Variants in NEK11 observed in about 807,000 individuals in gnomAD.
The protein encoded by NEK11 is serine/threonine-protein kinase Nek11.
Under a neutral mutation model 80.7 loss-of-function variants are expected in NEK11, and 72 were observed. That is an observed-to-expected ratio of 0.89 (90% CI 0.74 to 1.08). NEK11 has a LOEUF of 1.08. Among genes scored for constraint, NEK11 ranks in the 50% least tolerant of loss-of-function variants. The pLI, the probability that NEK11 is intolerant of heterozygous loss-of-function variation, is 0.00. For missense variants in NEK11, 764 were observed against 763.6 expected (o/e 1.00, Z -0.01); for synonymous variants, 251 against 260.7 (o/e 0.96, Z 0.36).
chr3:131,060,878 T>C (rs1039038327), intron 3 of NEK11, among the ~76,000 whole-genome samples: 4 of 152,232 alleles, frequency 2.6e-5, no homozygotes, highest in African/African-American at 9.7e-5. Context: ...CTTGTGGTTT[T>C]GATGTGCATA....
chr3:131,147,105 T>C (rs1042526820), intron 7 of NEK11, among the ~76,000 whole-genome samples: 1 of 152,072 alleles, frequency 6.6e-6, no homozygotes, highest in Admixed American at 6.6e-5. Context: ...CTTTGCCTAC[T>C]CCAAGATCAT....
At chr3:131,305,819 C>T (rs1273414370) in intron 17 of NEK11, among the ~76,000 whole-genome samples, 1 of 152,156 alleles carries the variant, frequency 6.6e-6, no homozygotes, top group Non-Finnish European at 1.5e-5. Context: ...CAGCCCCACG[C>T]AGGGCTCCCA....
chr3:131,203,559 C>T (rs1422734226), intron 14 of NEK11, among the ~76,000 whole-genome samples: 2 of 149,800 alleles, frequency 1.3e-5, no homozygotes, highest in Admixed American at 1.3e-4. Flanking sequence ...TGCACATGTA[C>T]CCTAAAACTT....
At chr3:131,181,562 C>A (rs1433914886) in intron 14 of NEK11, among the ~76,000 whole-genome samples, 2 of 151,840 alleles carry the variant, frequency 1.3e-5, no homozygotes, top group Non-Finnish European at 2.9e-5. Flanking sequence ...CTGGCTAACA[C>A]GATGAAACCC....
At chr3:131,176,292 CA>C (rs2093012326) in intron 14 of NEK11, among the ~76,000 whole-genome samples, 1 of 152,142 alleles carries the variant, frequency 6.6e-6, no homozygotes, top group Admixed American at 6.5e-5. Context: ...AAAAGAAGAC[CA>C]AACAAATGCC....
chr3:131,276,379 C>T (rs566681936), intron 17 of NEK11, among the ~76,000 whole-genome samples: 1 of 152,116 alleles, frequency 6.6e-6, no homozygotes, highest in Non-Finnish European at 1.5e-5. Context: ...GAGGCCTCTG[C>T]CAACCCCATT....
intron 7 of NEK11, among the ~76,000 whole-genome samples, chr3:131,135,805 T>G (rs2085441410): frequency 3.9e-5 from 6 of 152,130 alleles, no homozygotes; most frequent in Admixed American, 3.9e-4. Flanking sequence ...GCCTATCATT[T>G]AAGTTTTTGG....
intron 17 of NEK11, among the ~76,000 whole-genome samples, chr3:131,311,401 A>AC (rs559554651): frequency 6.6e-6 from 1 of 151,996 alleles, no homozygotes; most frequent in South Asian, 2.1e-4. Context: ...ACCTTTGTTC[A>AC]CCCCCCTCAA....
At chr3:131,142,907 TA>T (rs1448779411) in intron 7 of NEK11, among the ~76,000 whole-genome samples, 7 of 152,142 alleles carry the variant, frequency 4.6e-5, no homozygotes, top group African/African-American at 1.7e-4. Context: ...TGGAGGAAAG[TA>T]ATTAGAAAGA....
At chr3:131,159,154 GA>G (rs1488843822) in intron 10 of NEK11, among the ~76,000 whole-genome samples, 1 of 152,216 alleles carries the variant, frequency 6.6e-6, no homozygotes, top group Non-Finnish European at 1.5e-5. Context: ...CATCTTCAAA[GA>G]TTGAAGGAAC....
intron 17 of NEK11, among the ~76,000 whole-genome samples, chr3:131,332,300 G>A (rs962795474): frequency 2.0e-5 from 3 of 152,216 alleles, no homozygotes; most frequent in Non-Finnish European, 4.4e-5. Context: ...AGCAGCATTC[G>A]TGGTTCACGA....
intron 4 of NEK11, among the ~76,000 whole-genome samples, chr3:131,081,403 A>G (rs778605012): frequency 2.0e-5 from 3 of 152,230 alleles, no homozygotes; most frequent in South Asian, 2.1e-4. Flanking sequence ...AGTTTTTCCA[A>G]CCACTCTGAG....
rs144669041 is a variant in NEK11, at chr3:131,263,899, G to A, written c.1622-9579G>A. Among the ~76,000 whole-genome samples, 279 of 152,112 alleles carry A rather than the reference G, an allele frequency of 1.8e-3. 8 individuals carry two copies. The East Asian group carries it at 0.044, about 24-fold the overall frequency. On this transcript the variant is annotated intron_variant, in intron 16 of 17. Coordinates refer to ENST00000383366, the MANE Select transcript of NEK11 (RefSeq NM_024800.5). The stretch of plus-strand genomic sequence containing the variant: ...GTTGTTTCCTGACTTTTTAATGATC[G>A]CCATTCTAACTGCTGTGAGATGGTA...
intron 17 of NEK11, among the ~76,000 whole-genome samples, chr3:131,306,131 ATGCTATCTAC>A (rs1217201820): frequency 6.6e-6 from 1 of 152,142 alleles, no homozygotes; most frequent in Non-Finnish European, 1.5e-5. Flanking sequence ...CTTTTTGTAC[ATGCTATCTAC>A]TTTATCCATT....
chr3:131,029,869 GA>G lies in NEK11; in HGVS notation c.162del (p.Glu55ArgfsTer3). On this transcript the variant is annotated frameshift_variant, in exon 3 of 18. Coordinates refer to ENST00000383366, the MANE Select transcript of NEK11 (RefSeq NM_024800.5). LOFTEE classifies it high-confidence loss of function. ...YLVSDKKAKR[G>X]EELKVLKEIS... is the part of the protein sequence containing the mutation. ...GTTTCAGACAAGAAAGCCAAACGAGGAGAGGAATTGTAAGTAAAAATGCTTC... is the reference window on the plus strand; with the variant it reads ...GTTTCAGACAAGAAAGCCAAACGAGGGAGGAATTGTAAGTAAAAATGCTTC... The G allele has an allele frequency of 6.2e-7, 1 of 1,614,146 alleles. No homozygotes were observed. Among genetic ancestry groups the G allele is most frequent in the Non-Finnish European group, 8.5e-7 (1 of 1,180,008 alleles).
intron 3 of NEK11, among the ~76,000 whole-genome samples, chr3:131,057,381 G>A (rs1199737819): frequency 1.3e-5 from 2 of 152,048 alleles, no homozygotes; most frequent in East Asian, 1.9e-4. Context: ...AGCATGATTT[G>A]TAGACCTTTG....
chr3:131,038,837 C>A (rs2066026465), intron 3 of NEK11, among the ~76,000 whole-genome samples: 1 of 152,100 alleles, frequency 6.6e-6, no homozygotes, highest in South Asian at 2.1e-4. Flanking sequence ...CCACTCTGTT[C>A]TTTCAATGTG....
chr3:131,303,446 GC>G (rs1310091170), intron 17 of NEK11, among the ~76,000 whole-genome samples: 2 of 152,144 alleles, frequency 1.3e-5, no homozygotes, highest in Non-Finnish European at 2.9e-5. Flanking sequence ...ATTTAAGTGT[GC>G]TTTTGTGGTA....
At chr3:131,345,827 AAT>A (rs1305195171) in intron 17 of NEK11, among the ~76,000 whole-genome samples, 1 of 152,208 alleles carries the variant, frequency 6.6e-6, no homozygotes, top group African/African-American at 2.4e-5. Flanking sequence ...ATATATATAC[AAT>A]GGAATATTAT....
Sources: allele counts gnomAD v4.1 joint callset (sites outside exome capture counted in the v4.1 genomes callset), GRCh38; gene constraint gnomAD v4.1.1; transcripts MANE v1.5; gene names NCBI Gene and HGNC (gene_info 2026-07-23, HGNC 2026-07-21).